TMEM63A: variants seen among roughly 807,000 people sequenced by gnomAD.
TMEM63A encodes mechanosensitive cation channel TMEM63A.
TMEM63A carries 76 observed loss-of-function variants against 100.6 expected under a neutral mutation model. That is an observed-to-expected ratio of 0.76 (90% CI 0.63 to 0.91). TMEM63A has a LOEUF of 0.91. Among genes scored for constraint, TMEM63A ranks in the 40% least tolerant of loss-of-function variants. The pLI, the probability that TMEM63A is intolerant of heterozygous loss-of-function variation, is 0.00. For synonymous variants in TMEM63A, 401 were observed against 401.1 expected (o/e 1.00, Z 0.00); for missense variants, 876 against 1,008.8 (o/e 0.87, Z 1.78).
intron 9 of TMEM63A, 108 bp downstream of exon 9, chr1:225,866,466 C>A: frequency 1.0e-6 from 1 of 965,282 alleles, no homozygotes; most frequent in Non-Finnish European, 1.6e-6. Flanking sequence ...TGAGGCCCTC[C>A]CAGAGCTCAT....
At chr1:225,847,000 G>A in intron 24 of TMEM63A, 34 bp downstream of exon 24, 1 of 1,575,410 alleles carries the variant, frequency 6.3e-7, no homozygotes, top group South Asian at 1.2e-5. Flanking sequence ...TCACCCCACA[G>A]GCTCCCCTGA....
In TMEM63A at chr1:225,861,068, A is replaced by G. The variant is rs1332127660; in HGVS notation, c.1086-71T>C. 3.9e-6 allele frequency: 6 copies of G among 1,535,420 alleles called. No homozygotes were observed. The Admixed American group carries it at 9.5e-5, about 24-fold the overall frequency. On this transcript the variant is annotated intron_variant, in intron 13 of 24. Coordinates refer to ENST00000366835, the MANE Select transcript of TMEM63A (RefSeq NM_014698.3). ...CCAAGCACACATGTGGCAAGTGGGGACTGAGTAGGAGTGGGAGGCAGTGGC... is the reference window on the plus strand; with the variant it reads ...CCAAGCACACATGTGGCAAGTGGGGGCTGAGTAGGAGTGGGAGGCAGTGGC...
chr1:225,847,157 C>A lies in TMEM63A; in HGVS notation c.2307G>T (p.Pro769=), dbSNP rs45616731. 6.2e-7 allele frequency: 1 copy of A among 1,613,350 alleles called. No individual in the cohort carries two copies. Among genetic ancestry groups the A allele is most frequent in the Admixed American group, 1.7e-5 (1 of 60,008 alleles). The change falls in exon 24 of 25, where the codon CCG becomes CCT. Residue 769 remains proline (P), a synonymous_variant. Coordinates refer to ENST00000366835, the MANE Select transcript of TMEM63A (RefSeq NM_014698.3). ...GLASERTALS[P]QQQQQQTYGA... is the part of the protein sequence containing the mutation. ...CATAGGTCTGCTGCTGCTGCTGCTG[C>A]GGAGACAGTGCTGTCCTCTCCGAGG...
chr1:225,877,188 T>C (rs1576118785), intron 3 of TMEM63A, among the ~76,000 whole-genome samples: 1 of 152,080 alleles, frequency 6.6e-6, no homozygotes, highest in Admixed American at 6.6e-5. Context: ...TTCTCTGAGA[T>C]AGGAATTATG....
At chr1:225,845,314 C>T (rs754328846), downstream of TMEM63A, 1 of 1,612,160 alleles carries the variant, frequency 6.2e-7, no homozygotes, top group Admixed American at 1.7e-5. Context: ...CCCAGGACAT[C>T]CGCAAGTTCC....
chr1:225,875,250 T>C (rs1366385764), intron 3 of TMEM63A, among the ~76,000 whole-genome samples: 1 of 152,138 alleles, frequency 6.6e-6, no homozygotes, highest in Non-Finnish European at 1.5e-5. Context: ...CTCAGCAAGC[T>C]TGTGTCCAAT....
chr1:225,855,753 G>A, intron 18 of TMEM63A, 125 bp downstream of exon 18: 2 of 935,546 alleles, frequency 2.1e-6, no homozygotes, highest in Non-Finnish European at 3.2e-6. Context: ...CCTGCTGTCT[G>A]GGGAGGAAGA....
At chr1:225,880,845 T>A (rs1390495402) in intron 1 of TMEM63A, among the ~76,000 whole-genome samples, 3 of 152,224 alleles carry the variant, frequency 2.0e-5, no homozygotes, top group Non-Finnish European at 4.4e-5. Flanking sequence ...CAGCAAGGAC[T>A]GGCCTGGTGG....
Position 225,862,036 on chromosome 1 carries a change from A to G in TMEM63A, c.1085+182T>C. On this transcript the variant is annotated intron_variant, in intron 13 of 24. Coordinates refer to ENST00000366835, the MANE Select transcript of TMEM63A (RefSeq NM_014698.3). This position sits in a 1 kb window ranked among gnomAD's most constrained non-coding sequence, Gnocchi z 5.1. ...TGCCCACACCCCCACCGCCTGTTAC[A>G]CAAACATGGGCTGGGCTGGCTGAAA... 1 of 976,792 alleles carries G rather than the reference A, an allele frequency of 1.0e-6. No homozygotes were observed. Among genetic ancestry groups the G allele is most frequent in the Non-Finnish European group, 1.5e-6 (1 of 677,550 alleles). The allele number at this position is 976,792 out of a possible 1,614,324, so 60.5% of individuals were successfully genotyped here. A position where few individuals can be genotyped will look rare whatever the true frequency, so the allele number is the denominator to read the frequency against.
At chr1:225,868,079 G>A in intron 6 of TMEM63A, 49 bp from the exon 7 acceptor site, 2 of 1,605,792 alleles carry the variant, frequency 1.2e-6, no homozygotes, top group Non-Finnish European at 1.7e-6. Context: ...CAGGCCTCGG[G>A]GCTCTGCATG....
chr1:225,844,673 G>A (rs749656929), downstream of TMEM63A: 25 of 1,609,908 alleles, frequency 1.6e-5, no homozygotes, highest in Non-Finnish European at 2.0e-5. Context: ...GGAGGCAGGG[G>A]GACGGCCAGT....
Position 225,877,591 on chromosome 1 carries a change from T to C in TMEM63A, c.-11A>G, listed in dbSNP as rs2292565. 20,175 of 1,610,884 alleles carry C rather than the reference T, an allele frequency of 0.013. 1,286 individuals are homozygous for C. In the African/African-American group the frequency reaches 0.17, roughly 13 times the overall value. ...CGGGGAGTCCATCATCGCGCCTGTC[T>C]TCCCTGGAGCACAGGACAACAGGAC... On this transcript the variant is annotated 5_prime_UTR_variant, in exon 3 of 25. Transcript: ENST00000366835.
At position 225,847,277 on chromosome 1, in the gene TMEM63A, C is replaced by T. The variant is rs548202418; in HGVS notation, c.2251-64G>A. On this transcript the variant is annotated intron_variant, in intron 23 of 24. Transcript: ENST00000366835. ...TGAGCTTCCACACTGCATCCCTCCC[C>T]TCCTGCCCTTCTCCCAACAGGACAC... The T allele has an allele frequency of 1.2e-4, 186 of 1,561,808 alleles. 1 individual carries two copies. The South Asian group carries it at 2.2e-3, about 18-fold the overall frequency.
chr1:225,866,237 C>G (rs780158871), intron 9 of TMEM63A: 1 of 525,382 alleles, frequency 1.9e-6, no homozygotes, highest in Non-Finnish European at 3.4e-6. Flanking sequence ...GACTCAAATG[C>G]GGTCACACAG....
chr1:225,868,650 C>T lies in TMEM63A; in HGVS notation c.372-620G>A, dbSNP rs1322468470. On this transcript the variant is annotated intron_variant, in intron 6 of 24. Coordinates refer to ENST00000366835, the MANE Select transcript of TMEM63A (RefSeq NM_014698.3). ...GCAGTGAGTCGAGATCCCACTACTG[C>T]AACTTCAGCCTGGGTGACACAGTGA... Among the ~76,000 whole-genome samples the T allele has an allele frequency of 2.0e-5, 3 of 150,780 alleles. No homozygotes were observed. The East Asian group carries it at 5.8e-4, about 29-fold the overall frequency.
At chr1:225,849,885 T>C (rs759409759) in intron 21 of TMEM63A, 27 bp downstream of exon 21, 2 of 1,609,908 alleles carry the variant, frequency 1.2e-6, no homozygotes, top group African/African-American at 2.7e-5. Flanking sequence ...GGCCAAGGGC[T>C]GGCCCCAGGT....
intron 23 of TMEM63A, 33 bp from the exon 24 acceptor site, chr1:225,847,246 C>T (rs1387112597): frequency 4.4e-6 from 7 of 1,601,052 alleles, no homozygotes; most frequent in Middle Eastern, 3.3e-4. Context: ...TTGGCCTGGA[C>T]AGGCATGAGC....
intron 6 of TMEM63A, among the ~76,000 whole-genome samples, 173 bp from the exon 7 acceptor site, chr1:225,868,203 A>T (rs1670310892): frequency 6.6e-6 from 1 of 152,190 alleles, no homozygotes; most frequent in South Asian, 2.1e-4. Context: ...AACTTTCAGG[A>T]TCTCACATGA....
chr1:225,862,509 G>C lies in TMEM63A; in HGVS notation c.897C>G (p.Ile299Met). 1 of 1,614,198 alleles carries C rather than the reference G, an allele frequency of 6.2e-7. No homozygotes were observed. The highest frequency in any genetic ancestry group is 1.7e-4 in the Middle Eastern group (1 of 6,056). The change falls in exon 12 of 25, where the codon ATC (isoleucine) becomes ATG (methionine). Residue 299 changes from isoleucine to methionine, a missense_variant. Ile to Met is a conservative substitution (Grantham distance 10). Around this residue, in one of 5 missense-constraint regions of TMEM63A, gnomAD observed 487 missense variants for 581.9 expected, o/e 0.84. Coordinates refer to ENST00000366835, the MANE Select transcript of TMEM63A (RefSeq NM_014698.3). This position sits in a 1 kb window ranked among gnomAD's most constrained non-coding sequence, Gnocchi z 5.1. ...AAAACTGGCCACAGGGCTTGGGGTT[G>C]ATGAGGGTCCGCTGGCCTGTCTTCA... is the stretch of plus-strand genomic sequence containing the variant. ...LQVKTGQRTL[I>M]NPKPCGQFCC...
Sources: allele counts gnomAD v4.1 joint callset (sites outside exome capture counted in the v4.1 genomes callset), GRCh38; gene constraint gnomAD v4.1.1; regional missense constraint gnomAD v4.1.1; non-coding constraint Gnocchi (gnomAD v3.1); transcripts MANE v1.5; gene names NCBI Gene and HGNC (gene_info 2026-07-23, HGNC 2026-07-21).